Variants in IMMP2L observed in about 807,000 individuals in gnomAD.
The protein encoded by IMMP2L is inner mitochondrial membrane peptidase subunit 2.
In IMMP2L, 18 loss-of-function variants were observed where a neutral mutation model predicts 19.3. The observed-to-expected ratio is 0.93, with a 90% CI of 0.64 to 1.38. The LOEUF is 1.38. Among genes scored for constraint, IMMP2L ranks in the 40% most tolerant of loss-of-function variants. The pLI is 0.00. For missense variants in IMMP2L, 233 were observed against 218.2 expected (o/e 1.07, Z -0.43); for synonymous variants, 76 against 73.0 (o/e 1.04, Z -0.21).
chr7:110,976,502 A>G (rs927097645), intron 3 of IMMP2L, among the ~76,000 whole-genome samples: 1 of 152,074 alleles, frequency 6.6e-6, no homozygotes, highest in East Asian at 1.9e-4. Flanking sequence ...TCATTCCAGT[A>G]TGAGTTTCTT....
At chr7:111,396,612 C>T (rs1302559147) in intron 3 of IMMP2L, among the ~76,000 whole-genome samples, 1 of 151,958 alleles carries the variant, frequency 6.6e-6, no homozygotes, top group Non-Finnish European at 1.5e-5. Context: ...CACATGTATA[C>T]CTATTTAACA....
intron 3 of IMMP2L, among the ~76,000 whole-genome samples, chr7:111,386,481 A>G (rs1469773288): frequency 6.6e-6 from 1 of 152,124 alleles, no homozygotes; most frequent in Non-Finnish European, 1.5e-5. Flanking sequence ...CCCATTTGAG[A>G]ATATTTCTAA....
chr7:111,240,095 A>G (rs371210216), intron 3 of IMMP2L, among the ~76,000 whole-genome samples: 24 of 152,076 alleles, frequency 1.6e-4, no homozygotes, highest in African/African-American at 5.5e-4. Context: ...CAATTTGAAT[A>G]GAGTTTTAGT....
At chr7:111,050,303 T>C (rs995304172) in intron 3 of IMMP2L, among the ~76,000 whole-genome samples, 1 of 152,164 alleles carries the variant, frequency 6.6e-6, no homozygotes, top group South Asian at 2.1e-4. Context: ...AAATTATAAC[T>C]CTCTCACTTC....
At chr7:111,209,509 A>G (rs1404795241) in intron 3 of IMMP2L, among the ~76,000 whole-genome samples, 1 of 152,148 alleles carries the variant, frequency 6.6e-6, no homozygotes, top group Admixed American at 6.5e-5. Flanking sequence ...ATTTATTCAC[A>G]TATCAATACA....
chr7:111,260,985 G>C (rs1316792152), intron 3 of IMMP2L, among the ~76,000 whole-genome samples: 1 of 152,022 alleles, frequency 6.6e-6, no homozygotes, highest in Non-Finnish European at 1.5e-5. Context: ...GGGATATTTG[G>C]AATCAGGAAT....
At chr7:111,333,217 T>C (rs1826050115) in intron 3 of IMMP2L, among the ~76,000 whole-genome samples, 1 of 152,152 alleles carries the variant, frequency 6.6e-6, no homozygotes, top group Admixed American at 6.6e-5. Flanking sequence ...GGACTGTAAT[T>C]GTAATGAGTA....
At chr7:111,108,964 G>A (rs1050159391) in intron 3 of IMMP2L, among the ~76,000 whole-genome samples, 3 of 152,090 alleles carry the variant, frequency 2.0e-5, no homozygotes, top group African/African-American at 4.8e-5. Flanking sequence ...TGAATAAAAC[G>A]GAAACAACTT....
intron 3 of IMMP2L, among the ~76,000 whole-genome samples, chr7:111,281,174 GAAAGAAAGAAAGAA>G (rs1554427298): frequency 1.3e-5 from 1 of 75,744 alleles, no homozygotes; most frequent in African/African-American, 5.7e-5. Context: ...AAGAAAGAAA[GAAAGAAAGAAAGAA>G]AGAAAGAAAG....
At chr7:110,775,585 A>C (rs996413429) in intron 5 of IMMP2L, among the ~76,000 whole-genome samples, 5 of 152,218 alleles carry the variant, frequency 3.3e-5, no homozygotes, top group Non-Finnish European at 5.9e-5. Context: ...TCAAATACAC[A>C]CATTTGTCTT....
At chr7:110,819,914 A>G (rs1427712581) in intron 5 of IMMP2L, among the ~76,000 whole-genome samples, 4 of 152,054 alleles carry the variant, frequency 2.6e-5, no homozygotes, top group Non-Finnish European at 5.9e-5. Context: ...ATTTCTCTAT[A>G]TCTTTTAAAC....
intron 5 of IMMP2L, among the ~76,000 whole-genome samples, chr7:110,739,911 C>G (rs1411079826): frequency 6.6e-6 from 1 of 152,058 alleles, no homozygotes; most frequent in Non-Finnish European, 1.5e-5. Flanking sequence ...CAAAAGGAAC[C>G]CTCAAAATCA....
chr7:110,778,179 G>C (rs1799518999), intron 5 of IMMP2L, among the ~76,000 whole-genome samples: 1 of 151,812 alleles, frequency 6.6e-6, no homozygotes, highest in Admixed American at 6.6e-5. Context: ...GAGTCTAGAA[G>C]CTTTAAGATA....
chr7:111,460,728 C>A (rs1463389201), intron 3 of IMMP2L, among the ~76,000 whole-genome samples: 1 of 151,794 alleles, frequency 6.6e-6, no homozygotes, highest in African/African-American at 2.4e-5. Context: ...TATCTAAAGC[C>A]CAACATGATG....
intron 4 of IMMP2L, among the ~76,000 whole-genome samples, chr7:110,961,130 T>C (rs1818888914): frequency 1.3e-5 from 2 of 151,870 alleles, no homozygotes; most frequent in African/African-American, 4.8e-5. Flanking sequence ...GTTTGGCAGT[T>C]TCTTACAAAG....
chr7:111,266,193 A>C (rs1817814314), intron 3 of IMMP2L, among the ~76,000 whole-genome samples: 1 of 152,186 alleles, frequency 6.6e-6, no homozygotes, highest in Non-Finnish European at 1.5e-5. Flanking sequence ...TAATTCACTA[A>C]ATGCATAAAC....
In IMMP2L at chr7:110,779,403, T is replaced by C. The variant is rs143462912; in HGVS notation, c.408+107190A>G. ...AAATACCAATGGAGGCAAAGCAAAT[T>C]TGGGTCAGCAGGCACTGTTCTTACT... is the stretch of plus-strand genomic sequence containing the variant. On this transcript the variant is annotated intron_variant, in intron 5 of 5. Transcript: ENST00000405709. 1.1e-3 allele frequency among the ~76,000 whole-genome samples: 167 copies of C among 152,000 alleles called. 2 individuals are homozygous for C. The highest frequency in any genetic ancestry group is 3.9e-3 in the African/African-American group (161 of 41,508).
intron 5 of IMMP2L, among the ~76,000 whole-genome samples, chr7:110,741,543 G>A (rs1796990353): frequency 6.6e-6 from 1 of 152,192 alleles, no homozygotes; most frequent in Admixed American, 6.5e-5. Context: ...CATCTTTGGA[G>A]CAGAAAGCAA....
At chr7:111,480,477 T>A (rs1842084904) in intron 3 of IMMP2L, among the ~76,000 whole-genome samples, 2 of 151,882 alleles carry the variant, frequency 1.3e-5, no homozygotes. Flanking sequence ...TATCTCATTT[T>A]ATTTATTTTA....
Sources: allele counts gnomAD v4.1 joint callset (sites outside exome capture counted in the v4.1 genomes callset), GRCh38; gene constraint gnomAD v4.1.1; transcripts MANE v1.5; gene names NCBI Gene and HGNC (gene_info 2026-07-23, HGNC 2026-07-21).